The following SMARCC1 variants were observed in gnomAD, a reference collection of about 807,000 sequenced individuals.
The protein encoded by SMARCC1 is SWI/SNF complex subunit SMARCC1.
Under a neutral mutation model 147.4 loss-of-function variants are expected in SMARCC1, and 43 were observed. That is an observed-to-expected ratio of 0.29 (90% CI 0.23 to 0.38). SMARCC1 has a LOEUF of 0.38. SMARCC1 is among the 10% of genes least tolerant of loss of function. SMARCC1 has a pLI of 1.00. For synonymous variants in SMARCC1, 495 were observed against 484.4 expected (o/e 1.02, Z -0.29); for missense variants, 1,119 against 1,381.1 (o/e 0.81, Z 3.01).
intron 14 of SMARCC1, among the ~76,000 whole-genome samples, chr3:47,682,839 C>T (rs1239158914): frequency 1.3e-5 from 2 of 151,856 alleles, no homozygotes; most frequent in Non-Finnish European, 2.9e-5. Context: ...TATTGTGAGC[C>T]AAAAGCAAAA....
intron 3 of SMARCC1, 29 bp from the exon 4 acceptor site, chr3:47,738,139 T>G: frequency 6.8e-7 from 1 of 1,476,448 alleles, no homozygotes; most frequent in Non-Finnish European, 9.2e-7. Context: ...CCTAGTTAAT[T>G]TGTCTCCCAG....
chr3:47,720,830 G>T, intron 6 of SMARCC1, 95 bp from the exon 7 acceptor site: 2 of 990,354 alleles, frequency 2.0e-6, no homozygotes, highest in Non-Finnish European at 3.1e-6. Context: ...GTTTTAGTTT[G>T]CTAACGAACA....
At chr3:47,616,074 T>C (rs1559626349) in intron 25 of SMARCC1, among the ~76,000 whole-genome samples, 1 of 152,246 alleles carries the variant, frequency 6.6e-6, no homozygotes, top group South Asian at 2.1e-4. Flanking sequence ...AATCAGCTCA[T>C]AGATCCATTC....
chr3:47,676,095 G>C lies in SMARCC1; in HGVS notation c.1726-507C>G, dbSNP rs539686405. Among the ~76,000 whole-genome samples, 33 of 152,104 alleles carry C rather than the reference G, an allele frequency of 2.2e-4. No homozygotes were observed. In the South Asian group the frequency reaches 6.4e-3, roughly 30 times the overall value. On this transcript the variant is annotated intron_variant, in intron 17 of 27. Coordinates refer to ENST00000254480, the MANE Select transcript of SMARCC1 (RefSeq NM_003074.4). ...TGGTGTCCCTTTAAATCCCAGAAAG[G>C]ATAACAAATTTTCATTACTATCTTC...
At chr3:47,758,441 G>A (rs2034729885) in intron 2 of SMARCC1, among the ~76,000 whole-genome samples, 1 of 151,276 alleles carries the variant, frequency 6.6e-6, no homozygotes, top group Non-Finnish European at 1.5e-5. Context: ...AAGACAAGAG[G>A]ATTGCTTAAG....
At chr3:47,740,850 C>CAAAAAAAAAA (rs60339024) in intron 3 of SMARCC1, among the ~76,000 whole-genome samples, 1 of 77,878 alleles carries the variant, frequency 1.3e-5, no homozygotes. Flanking sequence ...GACTCTGACT[C>CAAAAAAAAAA]AAAAAAAAAA....
chr3:47,609,326 C>A (rs1378203577), intron 26 of SMARCC1, among the ~76,000 whole-genome samples: 1 of 152,088 alleles, frequency 6.6e-6, no homozygotes, highest in Non-Finnish European at 1.5e-5. Flanking sequence ...GAAACCCCGT[C>A]TCTACTAAAA....
In SMARCC1 at chr3:47,771,596, C is replaced by T. The variant is rs562079176; in HGVS notation, c.315+1221G>A. On this transcript the variant is annotated intron_variant, in intron 2 of 27. Coordinates refer to ENST00000254480, the MANE Select transcript of SMARCC1 (RefSeq NM_003074.4). ...ATCTACTAAAAATACAAAAATTAGC[C>T]AGGTGCGGTGGGTGGTGCATGCCTG... Among the ~76,000 whole-genome samples the T allele has an allele frequency of 4.0e-5, 6 of 151,714 alleles. No homozygotes were observed. The East Asian group carries it at 1.2e-3, about 29-fold the overall frequency.
At chr3:47,734,794 G>C (rs561459764) in intron 5 of SMARCC1, among the ~76,000 whole-genome samples, 1 of 152,296 alleles carries the variant, frequency 6.6e-6, no homozygotes, top group Admixed American at 6.5e-5. Context: ...ACGGAGTCTC[G>C]CTCTGTCACC....
chr3:47,670,082 T>C (rs533832519), intron 19 of SMARCC1, among the ~76,000 whole-genome samples: 1 of 152,344 alleles, frequency 6.6e-6, no homozygotes, highest in African/African-American at 2.4e-5. Flanking sequence ...TCACAACTTA[T>C]TTTGTGATTA....
chr3:47,695,878 C>G (rs57250051), intron 11 of SMARCC1, among the ~76,000 whole-genome samples: 112,237 of 112,424 alleles, frequency 1, 56,025 homozygotes, highest in Non-Finnish European at 1. Flanking sequence ...ACCTGCCTGG[C>G]CAAGGTGAAA....
At chr3:47,738,551 G>A (rs1045864058) in intron 3 of SMARCC1, among the ~76,000 whole-genome samples, 7 of 152,020 alleles carry the variant, frequency 4.6e-5, no homozygotes, top group Non-Finnish European at 1.0e-4. Flanking sequence ...GGGCATGGTG[G>A]TGCACACCTG....
intron 10 of SMARCC1, among the ~76,000 whole-genome samples, chr3:47,704,326 A>C (rs1197340524): frequency 2.0e-5 from 3 of 152,260 alleles, no homozygotes; most frequent in African/African-American, 7.2e-5. Context: ...TTTTAACATA[A>C]CTCTAAGGAG....
In SMARCC1 at chr3:47,590,735, G is replaced by T; in HGVS notation, c.3146C>A (p.Thr1049Asn). 1 of 1,601,244 alleles carries T rather than the reference G, an allele frequency of 6.2e-7. No homozygotes were observed. Among genetic ancestry groups the T allele is most frequent in the Non-Finnish European group, 8.5e-7 (1 of 1,175,014 alleles). The part of the protein sequence containing the change: ...ANIHPSGSGP[T>N]PPGMPPMPGN... ...TGGCATTGGTGGCATGCCAGGAGGG[G>T]TAGGGCCACTCCCAGAGGGGTGGAT... The change falls in exon 27 of 28, where the codon ACC becomes AAC. Residue 1049 changes from threonine to asparagine, a missense_variant. Transcript: ENST00000254480.
intron 2 of SMARCC1, among the ~76,000 whole-genome samples, chr3:47,758,237 A>G (rs2034726759): frequency 6.6e-6 from 1 of 152,086 alleles, no homozygotes; most frequent in Non-Finnish European, 1.5e-5. Flanking sequence ...CTCACACCTC[A>G]ACCTCCTAAG....
intron 24 of SMARCC1, among the ~76,000 whole-genome samples, chr3:47,631,391 G>A (rs1430570841): frequency 1.3e-5 from 2 of 152,164 alleles, no homozygotes; most frequent in African/African-American, 2.4e-5. Flanking sequence ...TTTCTTGGAA[G>A]AACTGAACCT....
intron 7 of SMARCC1, among the ~76,000 whole-genome samples, chr3:47,716,257 A>G (rs1363572536): frequency 1.3e-5 from 2 of 151,718 alleles, no homozygotes; most frequent in Non-Finnish European, 2.9e-5. Flanking sequence ...TTTCTATTAA[A>G]AAATACAAAA....
chr3:47,670,760 C>T, intron 18 of SMARCC1, 43 bp from the exon 19 acceptor site: 1 of 1,171,218 alleles, frequency 8.5e-7, no homozygotes, highest in South Asian at 1.2e-5. Context: ...TTTTTAAATG[C>T]TGAAGATGGA....
chr3:47,608,836 G>C (rs1023430142), intron 26 of SMARCC1, among the ~76,000 whole-genome samples: 1 of 133,780 alleles, frequency 7.5e-6, no homozygotes, highest in African/African-American at 3.0e-5. Context: ...ACAACAGAGC[G>C]AGACAGTGTC....
Sources: gnomAD v4.1 joint callset for allele counts (sites outside exome capture counted in the v4.1 genomes callset) on GRCh38, gnomAD v4.1.1 for gene constraint, MANE v1.5 for transcripts, NCBI Gene and HGNC (gene_info 2026-07-23, HGNC 2026-07-21) for gene names.